The following FLI1 variants were observed in gnomAD, a reference collection of about 807,000 sequenced individuals.
The protein encoded by FLI1 is Friend leukemia integration 1 transcription factor.
A neutral mutation model predicts 53.1 loss-of-function variants in FLI1; 13 were observed. That is an observed-to-expected ratio of 0.24 (90% CI 0.16 to 0.39). FLI1 has a LOEUF of 0.39. FLI1 is among the 10% of genes least tolerant of loss of function. The pLI, the probability that FLI1 is intolerant of heterozygous loss-of-function variation, is 1.00. For synonymous variants in FLI1, 244 were observed against 236.7 expected (o/e 1.03, Z -0.28); for missense variants, 424 against 600.5 (o/e 0.71, Z 3.07).
rs187498128 is a variant in FLI1, at chr11:128,813,017, C to T, written c.*2029C>T. 1.2e-5 allele frequency: 2 copies of T among 168,242 alleles called. 1 individual carries two copies. The highest frequency in any genetic ancestry group is 2.0e-4 in the East Asian group (2 of 9,984). The allele number at this position is 168,242 out of a possible 1,614,324, so 10.4% of individuals were successfully genotyped here. A position where few individuals can be genotyped will look rare whatever the true frequency, so the allele number is the denominator to read the frequency against. Reference sequence around the variant, plus strand: ...TAACCCTAGAACCTTCTTAGGGTAACACTAAGTACCTTCTAGACAACATGT... The same window carrying T: ...TAACCCTAGAACCTTCTTAGGGTAATACTAAGTACCTTCTAGACAACATGT... On this transcript the variant is annotated 3_prime_UTR_variant, in exon 9 of 9. Coordinates refer to ENST00000527786, the MANE Select transcript of FLI1 (RefSeq NM_002017.5).
intron 1 of FLI1, among the ~76,000 whole-genome samples, chr11:128,745,105 C>T (rs1017684622): frequency 6.6e-6 from 1 of 152,088 alleles, no homozygotes; most frequent in Admixed American, 6.6e-5. Flanking sequence ...ATTAAATATG[C>T]CTCCAAAGGT....
Position 128,778,670 on chromosome 11 carries a change from T to C in FLI1, c.590-3288T>C, listed in dbSNP as rs558916205. Among the ~76,000 whole-genome samples, 14 of 152,346 alleles carry C rather than the reference T, an allele frequency of 9.2e-5. No individual in the cohort carries two copies. In the South Asian group the frequency reaches 1.4e-3, roughly 16 times the overall value. On this transcript the variant is annotated intron_variant, in intron 4 of 8. Coordinates refer to ENST00000527786, the MANE Select transcript of FLI1 (RefSeq NM_002017.5). ...TGGAAAGCGTCTGGCACACCGTGCA[T>C]GTTCAGGGAGCACTGCGTCCCCACC...
chr11:128,736,498 G>A (rs1433429632), intron 1 of FLI1, among the ~76,000 whole-genome samples: 1 of 152,208 alleles, frequency 6.6e-6, no homozygotes, highest in East Asian at 1.9e-4. Flanking sequence ...AACTTTGGTT[G>A]AGAATGTAGG....
intron 1 of FLI1, chr11:128,695,787 T>C (rs1938048265): frequency 6.6e-6 from 1 of 152,118 alleles, no homozygotes; most frequent in Non-Finnish European, 1.5e-5. Flanking sequence ...CATTGGGCCA[T>C]TTTATGCCTG....
intron 1 of FLI1, among the ~76,000 whole-genome samples, chr11:128,705,937 C>T (rs895114970): frequency 2.6e-5 from 4 of 152,102 alleles, no homozygotes; most frequent in African/African-American, 7.2e-5. Flanking sequence ...TGTAATGTCC[C>T]GATGAACCCT....
chr11:128,707,045 G>C (rs1938574675), intron 1 of FLI1, among the ~76,000 whole-genome samples: 1 of 152,206 alleles, frequency 6.6e-6, no homozygotes, highest in Non-Finnish European at 1.5e-5. Flanking sequence ...GGCATGAGGA[G>C]ACTGTGAGGG....
At chr11:128,713,913 C>T (rs1938897481) in intron 1 of FLI1, among the ~76,000 whole-genome samples, 1 of 152,106 alleles carries the variant, frequency 6.6e-6, no homozygotes, top group African/African-American at 2.4e-5. Context: ...CATAGTCCCC[C>T]CAGGCATTAT....
At chr11:128,713,432 C>A (rs1938870742) in intron 1 of FLI1, among the ~76,000 whole-genome samples, 1 of 152,134 alleles carries the variant, frequency 6.6e-6, no homozygotes, top group Non-Finnish European at 1.5e-5. Context: ...GAATACAATT[C>A]TGTGAACAAA....
intron 5 of FLI1, among the ~76,000 whole-genome samples, chr11:128,783,868 A>G (rs922761952): frequency 2.0e-5 from 3 of 151,840 alleles, no homozygotes; most frequent in Non-Finnish European, 4.4e-5. Flanking sequence ...ATTTGTGGAT[A>G]GGGATCCACT....
At chr11:128,808,020 C>T (rs1237932955) in intron 7 of FLI1, among the ~76,000 whole-genome samples, 19 of 152,164 alleles carry the variant, frequency 1.2e-4, no homozygotes, top group Admixed American at 1.2e-3. Flanking sequence ...CATTGTTCCC[C>T]ATCTCCACAG....
chr11:128,773,188 C>G (rs1276002138), intron 4 of FLI1, among the ~76,000 whole-genome samples: 2 of 152,060 alleles, frequency 1.3e-5, no homozygotes, highest in Non-Finnish European at 2.9e-5. Context: ...GGAAGTAAGA[C>G]GAGAAATGGA....
intron 2 of FLI1, among the ~76,000 whole-genome samples, chr11:128,760,925 TGCGGGG>T (rs922915084): frequency 1.3e-5 from 2 of 152,188 alleles, no homozygotes; most frequent in African/African-American, 4.8e-5. Flanking sequence ...CCTAGGCTTC[TGCGGGG>T]GCATCCTGCT....
chr11:128,725,399 C>T (rs565968113), intron 1 of FLI1, among the ~76,000 whole-genome samples: 2 of 152,326 alleles, frequency 1.3e-5, no homozygotes, highest in South Asian at 4.1e-4. Flanking sequence ...CACTTCAGAT[C>T]ATAACCAAAA....
intron 4 of FLI1, among the ~76,000 whole-genome samples, chr11:128,776,917 A>C (rs1483065742): frequency 6.6e-6 from 1 of 150,806 alleles, no homozygotes; most frequent in South Asian, 2.1e-4. Context: ...CAGCCCGGCC[A>C]CTTCCCCCAC....
intron 1 of FLI1, among the ~76,000 whole-genome samples, chr11:128,729,699 G>T (rs1939617733): frequency 6.6e-6 from 1 of 152,132 alleles, no homozygotes; most frequent in South Asian, 2.1e-4. Context: ...CTTTTTAAAA[G>T]GATGGCAACC....
intron 2 of FLI1, among the ~76,000 whole-genome samples, chr11:128,758,995 C>T (rs1157296773): frequency 1.3e-5 from 2 of 152,358 alleles, no homozygotes; most frequent in South Asian, 2.1e-4. Context: ...ATCGAAACCC[C>T]TCAGAGCACC....
intron 1 of FLI1, among the ~76,000 whole-genome samples, chr11:128,741,421 G>C (rs770496141): frequency 1.3e-5 from 2 of 152,124 alleles, no homozygotes; most frequent in Admixed American, 6.6e-5. Context: ...AATAAAATAA[G>C]ACACAGTCAT....
chr11:128,758,424 G>A, intron 2 of FLI1, 98 bp downstream of exon 2: 1 of 976,794 alleles, frequency 1.0e-6, no homozygotes, highest in South Asian at 1.5e-5. Flanking sequence ...CAGCAGATGG[G>A]GCTCTAGAGC....
chr11:128,777,840 G>A lies in FLI1; in HGVS notation c.590-4118G>A, dbSNP rs577321911. On this transcript the variant is annotated intron_variant, in intron 4 of 8. Transcript: ENST00000527786. ...AAGGCTTTGGCACTGGGACGCTTGC[G>A]CCCCCTGGCCCAGGTGTCCCCGATG... 3.9e-4 allele frequency among the ~76,000 whole-genome samples: 60 copies of A among 152,154 alleles called. 1 individual carries two copies. The highest frequency in any genetic ancestry group is 1.5e-3 in the South Asian group (7 of 4,824).
Sources: allele counts gnomAD v4.1 joint callset (sites outside exome capture counted in the v4.1 genomes callset), GRCh38; gene constraint gnomAD v4.1.1; transcripts MANE v1.5; gene names NCBI Gene and HGNC (gene_info 2026-07-23, HGNC 2026-07-21).